LARGE1: variants seen among roughly 807,000 people sequenced by gnomAD.
LARGE1 encodes LARGE xylosyl- and glucuronyltransferase 1, also known as xylosyl- and glucuronyltransferase LARGE1.
LARGE1 carries 43 observed loss-of-function variants against 87.6 expected under a neutral mutation model. The ratio of observed to expected loss-of-function variants is 0.49; its 90% CI spans 0.38 to 0.63. The LOEUF (loss-of-function observed/expected upper bound fraction) is 0.63. Ranked by LOEUF, LARGE1 falls within the 30% of genes least tolerant of loss-of-function variation. The probability of loss-of-function intolerance (pLI) is 0.00; values close to 1 mark genes in which losing one functional copy is unlikely to be tolerated. For synonymous variants in LARGE1, 434 were observed against 394.6 expected (o/e 1.10, Z -1.18); for missense variants, 802 against 1,000.2 (o/e 0.80, Z 2.67).
intron 1 of LARGE1, among the ~76,000 whole-genome samples, chr22:33,862,279 C>T (rs2063951258): frequency 6.6e-6 from 1 of 152,162 alleles, no homozygotes; most frequent in Non-Finnish European, 1.5e-5. Context: ...TGCCAAAGAT[C>T]CTGTAAGCTG....
intron 2 of LARGE1, among the ~76,000 whole-genome samples, chr22:33,708,856 C>T (rs950373546): frequency 6.6e-5 from 10 of 152,176 alleles, no homozygotes; most frequent in Admixed American, 4.6e-4. Flanking sequence ...GCCTTGGCCT[C>T]CCAAAGTGCT....
chr22:33,466,353 T>C (rs925971744), intron 6 of LARGE1, among the ~76,000 whole-genome samples: 3 of 150,732 alleles, frequency 2.0e-5, no homozygotes, highest in African/African-American at 7.4e-5. Flanking sequence ...TGTTTTTTTT[T>C]CTTGCTTTTT....
chr22:33,498,061 T>C (rs1211716548), intron 6 of LARGE1, among the ~76,000 whole-genome samples: 2 of 152,128 alleles, frequency 1.3e-5, no homozygotes, highest in African/African-American at 4.8e-5. Context: ...TTTTTTGTAT[T>C]TTTAGTAGAG....
the LARGE1 span, among the ~76,000 whole-genome samples, chr22:33,120,443 T>A: frequency 6.6e-6 from 1 of 150,574 alleles, no homozygotes; most frequent in South Asian, 2.1e-4. Flanking sequence ...TCTCCTTCCT[T>A]CCTTCTCTCT....
chr22:33,521,414 T>G (rs562215991), intron 6 of LARGE1, among the ~76,000 whole-genome samples: 1 of 152,316 alleles, frequency 6.6e-6, no homozygotes, highest in South Asian at 2.1e-4. Flanking sequence ...GGGGCCTCTC[T>G]CCACATGGGC....
intron 1 of LARGE1, among the ~76,000 whole-genome samples, chr22:33,768,134 C>A (rs540343182): frequency 4.4e-4 from 67 of 152,190 alleles, no homozygotes; most frequent in African/African-American, 1.5e-3. Context: ...ACAGTGAAAC[C>A]CCATACCAAC....
intron 9 of LARGE1, among the ~76,000 whole-genome samples, chr22:33,375,056 AG>A (rs2064946645): frequency 1.3e-5 from 2 of 152,212 alleles, no homozygotes; most frequent in Non-Finnish European, 2.9e-5. Flanking sequence ...ACTCCAATGA[AG>A]AAACATGAAT....
At chr22:33,877,789 G>A (rs1276928398) in intron 1 of LARGE1, among the ~76,000 whole-genome samples, 1 of 151,918 alleles carries the variant, frequency 6.6e-6, no homozygotes, top group Non-Finnish European at 1.5e-5. Flanking sequence ...GGGCGTGATG[G>A]TGCACACCTC....
At chr22:33,458,648 G>A (rs541883603) in intron 6 of LARGE1, among the ~76,000 whole-genome samples, 2 of 148,524 alleles carry the variant, frequency 1.3e-5, no homozygotes, top group Admixed American at 1.4e-4. Context: ...GGCTGGTCTC[G>A]AACTCCTGAT....
In LARGE1 at chr22:33,213,641, A is replaced by G. The variant is rs1017813355; in HGVS notation, c.1731-46809T>C. Among the ~76,000 whole-genome samples, 6 of 152,268 alleles carry G rather than the reference A, an allele frequency of 3.9e-5. 1 individual carries two copies. The East Asian group carries it at 1.2e-3, about 29-fold the overall frequency. On this transcript the variant is annotated intron_variant, in intron 11 of 11. Transcript: ENST00000608642. ...AAAGACGATGATTCACTGAAGGTTC[A>G]GATAATTGTTAACATTTTGGGGGCA...
chr22:33,864,999 G>A (rs1472428741), intron 1 of LARGE1, among the ~76,000 whole-genome samples: 1 of 152,318 alleles, frequency 6.6e-6, no homozygotes, highest in East Asian at 1.9e-4. Flanking sequence ...CGCAGTTTCT[G>A]AAAGAGTCAC....
At chr22:33,404,648 G>GT (rs1381757387) in intron 7 of LARGE1, among the ~76,000 whole-genome samples, 2 of 152,236 alleles carry the variant, frequency 1.3e-5, no homozygotes, top group African/African-American at 4.8e-5. Flanking sequence ...GTGCTGGGAA[G>GT]TAAGAAGGGA....
intron 6 of LARGE1, among the ~76,000 whole-genome samples, chr22:33,517,657 C>T (rs2148484064): frequency 6.6e-6 from 1 of 152,288 alleles, no homozygotes; most frequent in East Asian, 1.9e-4. Flanking sequence ...CCTCAGCCTC[C>T]CACAGTGCTG....
chr22:33,267,965 T>G (rs986067303), downstream of LARGE1, among the ~76,000 whole-genome samples: 1 of 151,262 alleles, frequency 6.6e-6, no homozygotes, highest in Admixed American at 6.6e-5. Flanking sequence ...CAAGAATTTT[T>G]TTTTTTTTGA....
At chr22:33,094,725 G>A in the LARGE1 span, among the ~76,000 whole-genome samples, 18 of 151,272 alleles carry the variant, frequency 1.2e-4, no homozygotes, top group South Asian at 4.1e-4. Flanking sequence ...TGTTTGTTTC[G>A]TTTTGGTTTT....
chr22:33,595,977 A>C (rs1274390174), intron 5 of LARGE1, among the ~76,000 whole-genome samples: 1 of 152,212 alleles, frequency 6.6e-6, no homozygotes, highest in Non-Finnish European at 1.5e-5. Context: ...GAGTTTCTAA[A>C]TATGGAACAG....
At chr22:33,118,666 ATCC>A in the LARGE1 span, among the ~76,000 whole-genome samples, 2 of 152,146 alleles carry the variant, frequency 1.3e-5, no homozygotes, top group Admixed American at 1.3e-4. Flanking sequence ...AGGCTGTGGT[ATCC>A]TCCTTTTGCA....
chr22:33,141,830 C>A, the LARGE1 span, among the ~76,000 whole-genome samples: 12 of 152,156 alleles, frequency 7.9e-5, no homozygotes, highest in Non-Finnish European at 1.6e-4. Flanking sequence ...ACCTGGGCCT[C>A]TTTAAAGACT....
chr22:33,146,866 C>A, the LARGE1 span, among the ~76,000 whole-genome samples: 1 of 152,124 alleles, frequency 6.6e-6, no homozygotes, highest in African/African-American at 2.4e-5. Flanking sequence ...ATTTCTATCA[C>A]CCCAGAAATG....
Sources: gnomAD v4.1 joint callset for allele counts (sites outside exome capture counted in the v4.1 genomes callset) on GRCh38, gnomAD v4.1.1 for gene constraint, MANE v1.5 for transcripts, NCBI Gene and HGNC (gene_info 2026-07-23, HGNC 2026-07-21) for gene names.